The following EML6 variants were observed in gnomAD, a reference collection of about 807,000 sequenced individuals.
EML6 encodes the protein echinoderm microtubule-associated protein-like 6.
EML6 carries 154 observed loss-of-function variants against 240.1 expected under a neutral mutation model. The observed-to-expected ratio is 0.64, with a 90% CI of 0.56 to 0.73. The LOEUF is 0.73. Ranked by LOEUF, EML6 falls within the 30% of genes least tolerant of loss-of-function variation. The pLI is 0.00. For missense variants in EML6, 2,964 were observed against 2,474.6 expected, an observed-to-expected ratio of 1.20 and a Z score of -4.20; for synonymous variants, 1,148 against 899.0, an observed-to-expected ratio of 1.28 and a Z score of -4.95.
intron 32 of EML6, among the ~76,000 whole-genome samples, chr2:54,956,684 G>T (rs978719079): frequency 2.0e-5 from 3 of 152,080 alleles, no homozygotes; most frequent in Admixed American, 6.5e-5. Context: ...TCAGAGGGGT[G>T]GCCACAGGCC....
rs188446483 is a variant in EML6 at position 54,851,758 on chromosome 2, G to A, written c.1444+1540G>A. On this transcript the variant is annotated intron_variant, in intron 10 of 41. Coordinates refer to ENST00000356458, the MANE Select transcript of EML6 (RefSeq NM_001039753.4). ...TTCATTAATGTGTACCTAAAAAGTT[G>A]ACTAAATGGTGATAATGCAAAATAG... 1.6e-3 allele frequency among the ~76,000 whole-genome samples: 249 copies of A among 152,214 alleles called. 2 individuals are homozygous for A. The highest frequency in any genetic ancestry group is 2.9e-3 in the Non-Finnish European group (197 of 68,014).
At chr2:54,783,056 G>A (rs6705079) in intron 2 of EML6, among the ~76,000 whole-genome samples, 84,525 of 152,012 alleles carry the variant, frequency 0.56, 24,578 homozygotes, top group African/African-American at 0.73. Flanking sequence ...AATATTCTAC[G>A]TGGTAGGGAA....
rs1002701948 is a variant in EML6 at position 54,883,292 on chromosome 2, C to T, written c.2438+3652C>T. On this transcript the variant is annotated intron_variant, in intron 17 of 41. Transcript: ENST00000356458. ...CTCTATAACTGGTTTTTTTCACTCA[C>T]TAATACATCATCTCACTGTGTTCTA... is the stretch of plus-strand genomic sequence containing the variant. Among the ~76,000 whole-genome samples, 8 of 152,122 alleles carry T rather than the reference C, an allele frequency of 5.3e-5. No individual in the cohort carries two copies. In the East Asian group the frequency reaches 1.5e-3, roughly 29 times the overall value.
At chr2:54,790,033 G>A (rs1257547488) in intron 2 of EML6, among the ~76,000 whole-genome samples, 1 of 152,186 alleles carries the variant, frequency 6.6e-6, no homozygotes, top group African/African-American at 2.4e-5. Context: ...AAATGCACAG[G>A]TAACCTGTAC....
At position 54,971,181 on chromosome 2, in the gene EML6, A is replaced by G. The variant is rs1676979122; in HGVS notation, c.*1086A>G. The G allele has an allele frequency of 6.6e-6, 1 of 152,264 alleles. No individual in the cohort carries two copies. The highest frequency in any genetic ancestry group is 2.1e-4 in the South Asian group (1 of 4,838). 9.4% of individuals were successfully genotyped at this position (152,264 alleles called of 1,614,324 possible). On this transcript the variant is annotated 3_prime_UTR_variant, in exon 42 of 42. Transcript: ENST00000356458. ...TCCAGATTATAAAAAAATTATCTGC[A>G]GAACAAATTGTAAACCCAAGGAATA...
intron 32 of EML6, among the ~76,000 whole-genome samples, chr2:54,956,469 C>G (rs115665208): frequency 9.1e-4 from 139 of 152,314 alleles, no homozygotes; most frequent in African/African-American, 3.3e-3. Flanking sequence ...ATCTTATAAG[C>G]ATTGCAAGTG....
chr2:54,949,052 A>G lies in EML6; in HGVS notation c.4083+92A>G, dbSNP rs1675832614. The G allele has an allele frequency of 4.2e-6, 4 of 947,774 alleles. No individual in the cohort carries two copies. The East Asian group carries it at 1.0e-4, about 25-fold the overall frequency. 58.7% of individuals were successfully genotyped at this position (947,774 alleles called of 1,614,324 possible). On this transcript the variant is annotated intron_variant, in intron 29 of 41. Transcript: ENST00000356458. The stretch of plus-strand genomic sequence containing the variant: ...CTGCACGTCCCAAAGACACAGTCAA[A>G]TGAAACGGAGTAGGTCCCTTGGGCT...
At chr2:54,820,786 G>A (rs1452588316) in intron 5 of EML6, among the ~76,000 whole-genome samples, 1 of 152,134 alleles carries the variant, frequency 6.6e-6, no homozygotes, top group African/African-American at 2.4e-5. Flanking sequence ...ATGTTGTGAA[G>A]TAAGTTTTTC....
At chr2:54,918,965 C>A (rs1475338051) in intron 26 of EML6, among the ~76,000 whole-genome samples, 1 of 152,328 alleles carries the variant, frequency 6.6e-6, no homozygotes, top group African/African-American at 2.4e-5. Context: ...TACATTACCT[C>A]ATGAATCAAT....
chr2:54,956,838 A>C (rs1676257280), intron 32 of EML6, among the ~76,000 whole-genome samples: 1 of 152,232 alleles, frequency 6.6e-6, no homozygotes, highest in Non-Finnish European at 1.5e-5. Context: ...AAACATTCAG[A>C]GTAAGTTAAA....
intron 28 of EML6, among the ~76,000 whole-genome samples, chr2:54,940,179 C>T (rs146917553): frequency 3.9e-5 from 6 of 152,298 alleles, no homozygotes; most frequent in Non-Finnish European, 7.4e-5. Flanking sequence ...GTAGTATTAG[C>T]ATTTTCCAGA....
intron 24 of EML6, among the ~76,000 whole-genome samples, chr2:54,909,176 A>C (rs75263008): frequency 0.024 from 3,705 of 152,316 alleles, 168 homozygotes; most frequent in African/African-American, 0.085. Flanking sequence ...CCATATTCAA[A>C]GAATGTGTTC....
At chr2:54,957,176 T>C (rs1211253952) in intron 32 of EML6, among the ~76,000 whole-genome samples, 1 of 152,104 alleles carries the variant, frequency 6.6e-6, no homozygotes, top group Non-Finnish European at 1.5e-5. Flanking sequence ...CTAAAGTTGT[T>C]CTACAAGTAA....
At position 54,869,352 on chromosome 2, in the gene EML6, T is replaced by C. The variant is rs1671136810; in HGVS notation, c.2223T>C (p.Tyr741=). ...LSLTIHPVKD[Y]VATGQVGRDA... is the part of the protein sequence containing the mutation. Reference sequence around the variant, plus strand: ...TGACCATCCATCCAGTGAAGGACTATGTGGCTACTGGGCAGGTATCTATCT... The same window carrying C: ...TGACCATCCATCCAGTGAAGGACTACGTGGCTACTGGGCAGGTATCTATCT... The change falls in exon 15 of 42, where the codon TAT becomes TAC. Residue 741 remains tyrosine (Y), a synonymous_variant. Coordinates refer to ENST00000356458, the MANE Select transcript of EML6 (RefSeq NM_001039753.4). The C allele has an allele frequency of 6.5e-7, 1 of 1,550,386 alleles. No homozygotes were observed. The highest frequency in any genetic ancestry group is 1.2e-5 in the South Asian group (1 of 83,904).
At chr2:54,765,500 G>A (rs905995325) in intron 2 of EML6, among the ~76,000 whole-genome samples, 19 of 152,010 alleles carry the variant, frequency 1.2e-4, no homozygotes, top group Middle Eastern at 3.4e-3. Flanking sequence ...TCGCTTAGTC[G>A]CCCAGGTTGG....
chr2:54,906,842 C>G (rs1673351786), intron 24 of EML6, among the ~76,000 whole-genome samples: 1 of 152,180 alleles, frequency 6.6e-6, no homozygotes, highest in African/African-American at 2.4e-5. Context: ...CAAGACCAGC[C>G]TAGCTTTCAC....
chr2:54,767,944 T>G (rs1049621434), intron 2 of EML6, among the ~76,000 whole-genome samples: 6 of 152,114 alleles, frequency 3.9e-5, no homozygotes, highest in African/African-American at 1.2e-4. Context: ...TTAATTTAAT[T>G]TTGAATTTCA....
chr2:54,807,544 A>G (rs189984808), intron 2 of EML6, among the ~76,000 whole-genome samples: 70 of 152,300 alleles, frequency 4.6e-4, no homozygotes, highest in African/African-American at 1.6e-3. Context: ...AAATATACCC[A>G]CTATGGCTGA....
intron 2 of EML6, among the ~76,000 whole-genome samples, chr2:54,802,524 G>T (rs779880401): frequency 1.3e-5 from 2 of 151,952 alleles, no homozygotes; most frequent in Non-Finnish European, 2.9e-5. Flanking sequence ...CTACTCGAGA[G>T]GCTGAGATGG....
Sources: allele counts gnomAD v4.1 joint callset (sites outside exome capture counted in the v4.1 genomes callset), GRCh38; gene constraint gnomAD v4.1.1; transcripts MANE v1.5; gene names NCBI Gene and HGNC (gene_info 2026-07-23, HGNC 2026-07-21).